Variants in PTPRB observed in about 807,000 individuals in gnomAD.
PTPRB encodes protein tyrosine phosphatase receptor type B.
Under a neutral mutation model 238.1 loss-of-function variants are expected in PTPRB, and 97 were observed. The ratio of observed to expected loss-of-function variants is 0.41; its 90% CI spans 0.35 to 0.48. The LOEUF (loss-of-function observed/expected upper bound fraction) is 0.48, where lower values mean the gene tolerates loss of function less well. Ranked by LOEUF, PTPRB falls within the 20% of genes least tolerant of loss-of-function variation. The probability of loss-of-function intolerance (pLI) is 0.30; values close to 1 mark genes in which losing one functional copy is unlikely to be tolerated. For missense variants in PTPRB, 2,292 were observed against 2,681.9 expected (o/e 0.85, Z 3.21); for synonymous variants, 970 against 995.4 (o/e 0.97, Z 0.48).
Position 70,548,445 on chromosome 12 carries a change from T to C in PTPRB, c.5388-3782A>G, listed in dbSNP as rs530000377. Among the ~76,000 whole-genome samples, 8 of 152,084 alleles carry C rather than the reference T, an allele frequency of 5.3e-5. No individual in the cohort carries two copies. In the South Asian group the frequency reaches 1.7e-3, roughly 32 times the overall value. On this transcript the variant is annotated intron_variant, in intron 21 of 33. Coordinates refer to ENST00000334414, the MANE Select transcript of PTPRB (RefSeq NM_001109754.4). ...GGGCTAGGAACAAGAGGATCTGAAGTCTAGTTCTCACTCTTACTCCATTGC... is the reference window on the plus strand; with the variant it reads ...GGGCTAGGAACAAGAGGATCTGAAGCCTAGTTCTCACTCTTACTCCATTGC...
intron 18 of PTPRB, among the ~76,000 whole-genome samples, chr12:70,556,814 GTCCTCCTC>G (rs1877754144): frequency 6.6e-6 from 1 of 152,316 alleles, no homozygotes; most frequent in African/African-American, 2.4e-5. Context: ...TAAGAATTAT[GTCCTCCTC>G]TGAAGCCATG....
At chr12:70,548,325 C>CT (rs1876340470) in intron 21 of PTPRB, among the ~76,000 whole-genome samples, 1 of 25,044 alleles carries the variant, frequency 4.0e-5, no homozygotes, top group African/African-American at 1.5e-4. Context: ...AAGACTCTCT[C>CT]TCTCTCTCTC....
intron 21 of PTPRB, among the ~76,000 whole-genome samples, chr12:70,548,342 TCTCTCA>T (rs1308129886): frequency 0.011 from 650 of 58,394 alleles, 3 homozygotes; most frequent in Non-Finnish European, 0.013. Context: ...TCTCTCTCTC[TCTCTCA>T]CACACACACA....
chr12:70,624,693 G>A (rs76815923), intron 2 of PTPRB, among the ~76,000 whole-genome samples: 3,140 of 152,184 alleles, frequency 0.021, 202 homozygotes, highest in Admixed American at 0.11. Flanking sequence ...CCTCTGAGTT[G>A]ACTGCTACGT....
chr12:70,543,663 T>C (rs919594), intron 22 of PTPRB, among the ~76,000 whole-genome samples: 17,982 of 152,180 alleles, frequency 0.12, 1,339 homozygotes, highest in South Asian at 0.2. Flanking sequence ...AGATCAAGCA[T>C]TGCAGAACAC....
chr12:70,594,843 T>C (rs1882847527), intron 5 of PTPRB, 119 bp from the exon 6 acceptor site: 2 of 1,241,120 alleles, frequency 1.6e-6, no homozygotes, highest in Non-Finnish European at 2.2e-6. Flanking sequence ...AACTTGATAA[T>C]AGCATTAGTA....
At chr12:70,575,604 T>C (rs11613283) in intron 11 of PTPRB, among the ~76,000 whole-genome samples, 22,818 of 152,102 alleles carry the variant, frequency 0.15, 1,994 homozygotes, top group Non-Finnish European at 0.2. Context: ...ATAAGGACAA[T>C]TGTCTCAGAA....
At chr12:70,535,667 C>A (rs1022634841) in intron 29 of PTPRB, among the ~76,000 whole-genome samples, 17 of 152,140 alleles carry the variant, frequency 1.1e-4, no homozygotes, top group African/African-American at 3.9e-4. Flanking sequence ...GTCTACAACT[C>A]ACTTCTCCTT....
intron 28 of PTPRB, among the ~76,000 whole-genome samples, chr12:70,537,458 A>G (rs1874344067): frequency 1.3e-5 from 2 of 151,894 alleles, no homozygotes; most frequent in South Asian, 2.1e-4. Flanking sequence ...TCTTGCCTCA[A>G]CTCTTCTGAG....
In PTPRB at chr12:70,568,593, G is replaced by C. The variant is rs188071500; in HGVS notation, c.3634+1082C>G. Among the ~76,000 whole-genome samples, 539 of 152,170 alleles carry C rather than the reference G, an allele frequency of 3.5e-3. 1 individual carries two copies. The highest frequency in any genetic ancestry group is 5.5e-3 in the Non-Finnish European group (371 of 67,996). Reference sequence around the variant, plus strand: ...ATTACAGGCGTGAGCTACCGCGCCTGGCCCGAATGCCCACTTCTAACACAG... The same window carrying C: ...ATTACAGGCGTGAGCTACCGCGCCTCGCCCGAATGCCCACTTCTAACACAG... On this transcript the variant is annotated intron_variant, in intron 14 of 33. Transcript: ENST00000334414.
At chr12:70,587,625 G>A (rs890846513) in intron 8 of PTPRB, among the ~76,000 whole-genome samples, 1 of 152,160 alleles carries the variant, frequency 6.6e-6, no homozygotes, top group African/African-American at 2.4e-5. Flanking sequence ...GGAGTTAGGA[G>A]TATTTGTTAC....
At chr12:70,575,236 C>T (rs1299790785) in intron 11 of PTPRB, among the ~76,000 whole-genome samples, 1 of 152,194 alleles carries the variant, frequency 6.6e-6, no homozygotes, top group East Asian at 1.9e-4. Flanking sequence ...AGAAGCCACA[C>T]TCCTTCTCTG....
At chr12:70,540,119 T>C in intron 23 of PTPRB, 97 bp from the exon 24 acceptor site, 4 of 1,067,126 alleles carry the variant, frequency 3.7e-6, no homozygotes, top group Non-Finnish European at 5.5e-6. Flanking sequence ...TGTGCAAATA[T>C]GGATTTTTCA....
chr12:70,559,587 A>C lies in PTPRB; in HGVS notation c.4470T>G (p.Ile1490Met). ...ACGTGATGGCCAAGGATGTGTTTGC[A>C]ATGTCAGCAAATGACATAAGACTGG... ...SPPSLMSFAD[I>M]ANTSLAITWK... is the part of the protein sequence containing the mutation. The change falls in exon 18 of 34, where the codon ATT becomes ATG. Residue 1490 changes from isoleucine to methionine, a missense_variant. Around this residue, in one of 4 missense-constraint regions of PTPRB, gnomAD observed 683 missense variants for 862.0 expected, o/e 0.79. Transcript: ENST00000334414. 1 of 1,612,882 alleles carries C rather than the reference A, an allele frequency of 6.2e-7. No individual in the cohort carries two copies. The highest frequency in any genetic ancestry group is 8.5e-7 in the Non-Finnish European group (1 of 1,178,872).
chr12:70,534,788 T>C (rs1405569633), intron 30 of PTPRB, 45 bp downstream of exon 30: 1 of 1,608,012 alleles, frequency 6.2e-7, no homozygotes, highest in Non-Finnish European at 8.5e-7. Context: ...ACAGATCTCA[T>C]TCATCTCCCC....
intron 3 of PTPRB, among the ~76,000 whole-genome samples, chr12:70,615,864 G>A (rs1238622652): frequency 2.0e-5 from 3 of 152,162 alleles, no homozygotes; most frequent in East Asian, 1.9e-4. Flanking sequence ...ATCAAAAACA[G>A]TCACCCACAG....
chr12:70,576,290 T>C, intron 11 of PTPRB, 92 bp downstream of exon 11: 1 of 1,375,790 alleles, frequency 7.3e-7, no homozygotes, highest in East Asian at 2.4e-5. Flanking sequence ...GGGCCTTTCA[T>C]CCCATCATTA....
In PTPRB at chr12:70,592,443, A is replaced by G. The variant is rs765303653; in HGVS notation, c.1619T>C (p.Ile540Thr). ...GATGGTCCCTTTGTGAGACAGGGTG[A>G]TATTGTAAGAATCCACATTTCCAGG... ...RPPGNVDSYN[I>T]TLSHKGTIKE... is the part of the protein sequence containing the mutation. Residue 540 changes from isoleucine (I) to threonine (T), a missense_variant, in exon 7 of 34, where the codon ATC becomes ACC. By Grantham distance (89) the Ile-to-Thr change is moderately conservative. Coordinates refer to ENST00000334414, the MANE Select transcript of PTPRB (RefSeq NM_001109754.4). 3 of 1,613,768 alleles carry G rather than the reference A, an allele frequency of 1.9e-6. No individual in the cohort carries two copies. The highest frequency in any genetic ancestry group is 1.7e-5 in the Admixed American group (1 of 59,982).
chr12:70,530,999 G>T (rs868215298), intron 32 of PTPRB, among the ~76,000 whole-genome samples: 99 of 152,358 alleles, frequency 6.5e-4, no homozygotes, highest in African/African-American at 2.2e-3. Context: ...GTTCCTGCCT[G>T]CAGGAGGCAA....
Sources: allele counts gnomAD v4.1 joint callset (sites outside exome capture counted in the v4.1 genomes callset), GRCh38; gene constraint gnomAD v4.1.1; regional missense constraint gnomAD v4.1.1; transcripts MANE v1.5; gene names NCBI Gene and HGNC (gene_info 2026-07-23, HGNC 2026-07-21).